The following AGXT2 variants were observed in gnomAD, a reference collection of about 807,000 sequenced individuals.
The protein encoded by AGXT2 is alanine--glyoxylate aminotransferase 2, mitochondrial.
Under a neutral mutation model 62.5 loss-of-function variants are expected in AGXT2, and 61 were observed. That is an observed-to-expected ratio of 0.98 (90% CI 0.79 to 1.21). The LOEUF is 1.21. AGXT2 is among the 50% of genes most tolerant of loss of function. AGXT2 has a pLI of 0.00. For synonymous variants in AGXT2, 243 were observed against 218.7 expected (o/e 1.11, Z -0.98); for missense variants, 666 against 641.5 (o/e 1.04, Z -0.41).
At chr5:35,004,585 T>C (rs1395689759) in intron 12 of AGXT2, among the ~76,000 whole-genome samples, 2 of 152,234 alleles carry the variant, frequency 1.3e-5, no homozygotes, top group Non-Finnish European at 1.5e-5. Context: ...GACTTAGTCA[T>C]GTCACACCTG....
chr5:35,039,060 GA>G lies in AGXT2; in HGVS notation c.362+263del, dbSNP rs534579701. Among the ~76,000 whole-genome samples, 6 of 151,936 alleles carry G rather than the reference GA, an allele frequency of 3.9e-5. No homozygotes were observed. The South Asian group carries it at 1.2e-3, about 32-fold the overall frequency. On this transcript the variant is annotated intron_variant, in intron 3 of 13. Transcript: ENST00000231420. ...CTCTTTGGAAAGCTGTTGCTAATGAGAAACACACACAGCAAGACTCCAGTCA... is the reference window on the plus strand; with the variant it reads ...CTCTTTGGAAAGCTGTTGCTAATGAGAACACACACAGCAAGACTCCAGTCA...
At chr5:35,014,553 G>A (rs1766777973) in intron 9 of AGXT2, among the ~76,000 whole-genome samples, 2 of 150,812 alleles carry the variant, frequency 1.3e-5, no homozygotes, top group African/African-American at 4.9e-5. Flanking sequence ...CCATTATCAT[G>A]AGCATCCTGT....
chr5:35,029,121 G>T (rs344510), intron 7 of AGXT2, among the ~76,000 whole-genome samples: 3 of 152,158 alleles, frequency 2.0e-5, no homozygotes, highest in Non-Finnish European at 2.9e-5. Flanking sequence ...ACAAGTATAT[G>T]AAACCCTGAA....
chr5:35,020,288 C>A (rs1767018144), intron 9 of AGXT2, among the ~76,000 whole-genome samples: 1 of 152,132 alleles, frequency 6.6e-6, no homozygotes, highest in South Asian at 2.1e-4. Context: ...AATTTCAGAC[C>A]AATATCCTTG....
intron 13 of AGXT2, among the ~76,000 whole-genome samples, chr5:35,002,263 T>C (rs1219402404): frequency 1.3e-5 from 2 of 152,100 alleles, no homozygotes; most frequent in African/African-American, 4.8e-5. Context: ...GCTTTGTTGT[T>C]TGGGCTGGGA....
rs907056039 is a variant in AGXT2, at chr5:35,010,281, C to T, written c.1189-132G>A. 16 of 1,146,386 alleles carry T rather than the reference C, an allele frequency of 1.4e-5. No individual in the cohort carries two copies. In the African/African-American group the frequency reaches 2.0e-4, roughly 14 times the overall value. 71.0% of individuals were successfully genotyped at this position (1,146,386 alleles called of 1,614,324 possible). ...GAATGCAGAACAAGTCTAGTGTGACCACAAGGACTACAAAAAGATCTGTTG... is the reference window on the plus strand; with the variant it reads ...GAATGCAGAACAAGTCTAGTGTGACTACAAGGACTACAAAAAGATCTGTTG... On this transcript the variant is annotated intron_variant, in intron 11 of 13. Coordinates refer to ENST00000231420, the MANE Select transcript of AGXT2 (RefSeq NM_031900.4).
chr5:35,033,022 A>C, intron 6 of AGXT2, 197 bp from the exon 7 acceptor site: 1 of 586,294 alleles, frequency 1.7e-6, no homozygotes, highest in Non-Finnish European at 3.1e-6. Context: ...GCCCTCTACA[A>C]AGGAAACTGA....
In AGXT2 at chr5:35,047,941, G is replaced by A; in HGVS notation, c.-49C>T. 6.2e-7 allele frequency: 1 copy of A among 1,611,276 alleles called. No individual in the cohort carries two copies. The highest frequency in any genetic ancestry group is 8.5e-7 in the Non-Finnish European group (1 of 1,178,682). ...CCCATGGAAGCAGATTGGAGGCCGGGCTCTAACTGCTCACTATCCTGCTGG... is the reference window on the plus strand; with the variant it reads ...CCCATGGAAGCAGATTGGAGGCCGGACTCTAACTGCTCACTATCCTGCTGG... On this transcript the variant is annotated 5_prime_UTR_variant, in exon 1 of 14. Transcript: ENST00000231420.
At chr5:35,027,236 A>T (rs1374148211) in intron 7 of AGXT2, among the ~76,000 whole-genome samples, 1 of 152,230 alleles carries the variant, frequency 6.6e-6, no homozygotes, top group Non-Finnish European at 1.5e-5. Flanking sequence ...AAATATTAAC[A>T]AATAGTAGAA....
intron 4 of AGXT2, among the ~76,000 whole-genome samples, chr5:35,036,259 T>G (rs344153): frequency 1.3e-5 from 2 of 152,150 alleles, no homozygotes; most frequent in East Asian, 3.9e-4. Context: ...TTGCAGCTCT[T>G]CCATGTTTCT....
chr5:35,044,022 A>G (rs1160241434), intron 1 of AGXT2, among the ~76,000 whole-genome samples: 1 of 152,102 alleles, frequency 6.6e-6, no homozygotes, highest in Non-Finnish European at 1.5e-5. Context: ...ATTTCTGTAT[A>G]GCATCTTAGG....
chr5:35,011,310 G>A (rs563529640), intron 11 of AGXT2, among the ~76,000 whole-genome samples: 7 of 151,934 alleles, frequency 4.6e-5, no homozygotes, highest in Non-Finnish European at 1.0e-4. Flanking sequence ...AAATACAAAA[G>A]TTAGTTGGGC....
At position 35,012,965 on chromosome 5, in the gene AGXT2, C is replaced by G; in HGVS notation, c.1177G>C (p.Ala393Pro). The change falls in exon 11 of 14, where the codon GCT becomes CCT. Residue 393 changes from alanine to proline, a missense_variant. Ala to Pro is a conservative substitution (Grantham distance 27, BLOSUM62 -1). Coordinates refer to ENST00000231420, the MANE Select transcript of AGXT2 (RefSeq NM_031900.4). ...GNPMACAIGS[A>P]VLEVIKEENL... ...CCGCTGGAACCAACCTCAAGCACAGCAGATCCAATGGCACAGGCCATGGGG... is the reference window on the plus strand; with the variant it reads ...CCGCTGGAACCAACCTCAAGCACAGGAGATCCAATGGCACAGGCCATGGGG... 6.4e-7 allele frequency: 1 copy of G among 1,551,708 alleles called. No homozygotes were observed. Among genetic ancestry groups the G allele is most frequent in the Non-Finnish European group, 8.7e-7 (1 of 1,146,976 alleles).
intron 9 of AGXT2, among the ~76,000 whole-genome samples, chr5:35,017,161 T>C (rs1268372699): frequency 1.3e-5 from 2 of 152,162 alleles, no homozygotes; most frequent in Non-Finnish European, 2.9e-5. Context: ...CTTTCTGCCA[T>C]GATTTGCCCT....
chr5:35,021,680 A>T (rs910662442), intron 9 of AGXT2, among the ~76,000 whole-genome samples: 7 of 151,984 alleles, frequency 4.6e-5, no homozygotes, highest in African/African-American at 1.7e-4. Context: ...CTTCATGTCT[A>T]AAACGCCAAA....
At chr5:35,036,082 G>GA (rs112575088) in intron 4 of AGXT2, among the ~76,000 whole-genome samples, 137,699 of 147,998 alleles carry the variant, frequency 0.93, 64,497 homozygotes, top group Non-Finnish European at 1. Context: ...GTCTCAAAAA[G>GA]AAAAAAAAAA....
chr5:35,023,176 AG>A (rs149884067), intron 9 of AGXT2, among the ~76,000 whole-genome samples: 98,305 of 130,328 alleles, frequency 0.75, 36,713 homozygotes, highest in Non-Finnish European at 0.84. Flanking sequence ...AAAAAAAAAA[AG>A]AAAAAAGAAA....
At chr5:35,043,618 G>A (rs978845897) in intron 1 of AGXT2, among the ~76,000 whole-genome samples, 3 of 151,876 alleles carry the variant, frequency 2.0e-5, no homozygotes, top group Non-Finnish European at 2.9e-5. Context: ...CTGTAGCCTC[G>A]GCCTCCCAGG....
At chr5:35,026,174 T>C in intron 8 of AGXT2, 1 of 603,136 alleles carries the variant, frequency 1.7e-6, no homozygotes, top group Non-Finnish European at 2.9e-6. Flanking sequence ...GGGTTTCCTC[T>C]TCTTAAGAAT....
Sources: gnomAD v4.1 joint callset for allele counts (sites outside exome capture counted in the v4.1 genomes callset) on GRCh38, gnomAD v4.1.1 for gene constraint, MANE v1.5 for transcripts, NCBI Gene and HGNC (gene_info 2026-07-23, HGNC 2026-07-21) for gene names.